USP30: variants seen among roughly 807,000 people sequenced by gnomAD.
The protein encoded by USP30 is ubiquitin specific peptidase 30.
A neutral mutation model predicts 68.2 loss-of-function variants in USP30; 41 were observed. That is an observed-to-expected ratio of 0.60 (90% CI 0.47 to 0.78). The LOEUF is 0.78. Ranked by LOEUF, USP30 falls within the 30% of genes least tolerant of loss-of-function variation. USP30 has a pLI of 0.00. For synonymous variants in USP30, 229 were observed against 253.7 expected (o/e 0.90, Z 0.93); for missense variants, 522 against 649.4 (o/e 0.80, Z 2.13).
chr12:109,048,181 G>T (rs1190274182), upstream of USP30, among the ~76,000 whole-genome samples: 6 of 151,506 alleles, frequency 4.0e-5, no homozygotes, highest in Non-Finnish European at 2.9e-5. Flanking sequence ...TAACTCCTGG[G>T]CTCAAGCAAT....
intron 4 of USP30, among the ~76,000 whole-genome samples, chr12:109,071,352 C>A (rs2041434334): frequency 6.6e-6 from 1 of 152,182 alleles, no homozygotes; most frequent in Non-Finnish European, 1.5e-5. Context: ...CTCAGTGAAA[C>A]AGAATGGTCT....
upstream of USP30, among the ~76,000 whole-genome samples, chr12:109,051,572 C>G (rs1307741838): frequency 1.0e-5 from 1 of 96,022 alleles, no homozygotes; most frequent in African/African-American, 4.1e-5. Context: ...CACCTGACCT[C>G]TTTTTTTTTT....
Position 109,083,065 on chromosome 12 carries a change from G to A in USP30, c.1168+3G>A. On this transcript the variant is annotated splice_donor_region_variant and intron_variant, in intron 11 of 12. Transcript: ENST00000257548. ...TGGGCCGGGAGCCCCCACACCAGGT[G>A]TGTGCGCGCGAGGAGCCGATGCAGC... The A allele has an allele frequency of 1.9e-6, 3 of 1,590,664 alleles. No individual in the cohort carries two copies. The highest frequency in any genetic ancestry group is 2.6e-6 in the Non-Finnish European group (3 of 1,168,916).
At chr12:109,025,954 G>A (rs1256570024) in intron 2 of USP30, among the ~76,000 whole-genome samples, 1 of 151,838 alleles carries the variant, frequency 6.6e-6, no homozygotes. Context: ...AAAGGTGCTG[G>A]CATTACAGGT....
At chr12:109,056,899 C>A in intron 2 of USP30, 108 bp downstream of exon 2, 1 of 656,758 alleles carries the variant, frequency 1.5e-6, no homozygotes, top group Non-Finnish European at 2.4e-6. Flanking sequence ...TTCTCTGTAT[C>A]TTTAAAATTA....
At chr12:109,078,682 T>A (rs571655903) in intron 7 of USP30, among the ~76,000 whole-genome samples, 1 of 152,334 alleles carries the variant, frequency 6.6e-6, no homozygotes, top group East Asian at 1.9e-4. Flanking sequence ...TCTCAGTCTT[T>A]CTTGTAGATC....
chr12:109,066,577 C>T (rs182256674), intron 3 of USP30, among the ~76,000 whole-genome samples: 52 of 152,068 alleles, frequency 3.4e-4, no homozygotes, highest in Admixed American at 1.2e-3. Context: ...CCCAGCTACT[C>T]GGGAGGCTGA....
At chr12:109,075,841 CTT>C (rs34221615) in intron 7 of USP30, among the ~76,000 whole-genome samples, 213 of 119,672 alleles carry the variant, frequency 1.8e-3, no homozygotes, top group East Asian at 7.3e-3. Flanking sequence ...GTTACTTTTT[CTT>C]TTTTTTTTTT....
intron 10 of USP30, 44 bp from the exon 11 acceptor site, chr12:109,082,799 C>T (rs778970053): frequency 7.5e-6 from 12 of 1,609,470 alleles, no homozygotes; most frequent in South Asian, 6.6e-5. Flanking sequence ...GTGTATCCTG[C>T]CCCTGAAACA....
chr12:109,087,680 A>G lies in USP30; in HGVS notation c.*1749A>G, dbSNP rs1029960638. ...GCCACTGCTTACTCTGAAATCTACC[A>G]TCAAAGAAAGATAGAGAAAAGGGGC... On this transcript the variant is annotated 3_prime_UTR_variant, in exon 13 of 13. Transcript: ENST00000257548. The G allele has an allele frequency of 1.3e-5, 2 of 152,276 alleles. No homozygotes were observed. The highest frequency in any genetic ancestry group is 2.9e-5 in the Non-Finnish European group (2 of 68,094). The allele number at this position is 152,276 out of a possible 1,614,324, so 9.4% of individuals were successfully genotyped here.
At chr12:109,057,875 A>C in intron 2 of USP30, 51 bp from the exon 3 acceptor site, 1 of 1,549,114 alleles carries the variant, frequency 6.5e-7, no homozygotes, top group Non-Finnish European at 8.7e-7. Flanking sequence ...TGGGAGAGAA[A>C]TTGATCAAAT....
intron 3 of USP30, among the ~76,000 whole-genome samples, chr12:109,036,628 T>G (rs1040601620): frequency 2.0e-5 from 3 of 152,208 alleles, no homozygotes; most frequent in African/African-American, 7.2e-5. Flanking sequence ...AGTCTCTGTT[T>G]TTTTGTTTTG....
chr12:109,033,447 C>T (rs1277087902), intron 3 of USP30, among the ~76,000 whole-genome samples: 1 of 152,134 alleles, frequency 6.6e-6, no homozygotes. Context: ...GTTTTAGTAA[C>T]ACTGGTTTCA....
intron 3 of USP30, among the ~76,000 whole-genome samples, chr12:109,046,760 G>A (rs892278113): frequency 2.6e-5 from 4 of 151,958 alleles, no homozygotes; most frequent in Non-Finnish European, 5.9e-5. Flanking sequence ...GCAGTAGTGC[G>A]ATCTTGGCTC....
chr12:109,079,279 T>C (rs2041707923), intron 7 of USP30, among the ~76,000 whole-genome samples: 2 of 151,290 alleles, frequency 1.3e-5, no homozygotes, highest in Admixed American at 1.3e-4. Flanking sequence ...AATTAGATCA[T>C]TTCTATTGAC....
chr12:109,081,751 C>T (rs1036376460), intron 8 of USP30, 182 bp from the exon 9 acceptor site: 20 of 636,328 alleles, frequency 3.1e-5, no homozygotes, highest in South Asian at 2.3e-4. Context: ...AGAATCTGTC[C>T]GTAGTAGCAG....
At chr12:109,055,400 A>ATATTTTTTTT (rs1298811530) in intron 1 of USP30, among the ~76,000 whole-genome samples, 9 of 24,476 alleles carry the variant, frequency 3.7e-4, no homozygotes, top group African/African-American at 8.9e-4. Flanking sequence ...ATATATATAT[A>ATATTTTTTTT]TTTTTTTTTT....
At chr12:109,061,439 C>T (rs1251857594) in intron 3 of USP30, among the ~76,000 whole-genome samples, 5 of 144,816 alleles carry the variant, frequency 3.5e-5, no homozygotes, top group Admixed American at 7.0e-5. Flanking sequence ...CAGGGTTCTT[C>T]TGTCTGTCGC....
At chr12:109,053,519 C>T (rs74870168) in intron 1 of USP30, among the ~76,000 whole-genome samples, 25 of 152,062 alleles carry the variant, frequency 1.6e-4, no homozygotes, top group African/African-American at 5.1e-4. Flanking sequence ...CTGAGTACCC[C>T]CTCCCCCACT....
Sources: gnomAD v4.1 joint callset for allele counts (sites outside exome capture counted in the v4.1 genomes callset) on GRCh38, gnomAD v4.1.1 for gene constraint, MANE v1.5 for transcripts, NCBI Gene and HGNC (gene_info 2026-07-23, HGNC 2026-07-21) for gene names.